PTPRD: variants seen among roughly 807,000 people sequenced by gnomAD.
The protein encoded by PTPRD is protein tyrosine phosphatase receptor type D, also known as receptor-type tyrosine-protein phosphatase delta.
In PTPRD, 34 loss-of-function variants were observed where a neutral mutation model predicts 214.5. The observed-to-expected ratio is 0.16, with a 90% CI of 0.12 to 0.21. PTPRD has a LOEUF of 0.21. Ranked by LOEUF, PTPRD falls within the 10% of genes least tolerant of loss-of-function variation. The probability of loss-of-function intolerance (pLI) is 1.00; values close to 1 mark genes in which losing one functional copy is unlikely to be tolerated. For missense variants in PTPRD, 2,545 were observed against 2,398.7 expected, an observed-to-expected ratio of 1.06 and a Z score of -1.27; for synonymous variants, 1,128 against 845.7, an observed-to-expected ratio of 1.33 and a Z score of -5.79.
At chr9:10,298,782 A>C (rs1473911262) in intron 3 of PTPRD, among the ~76,000 whole-genome samples, 1 of 152,044 alleles carries the variant, frequency 6.6e-6, no homozygotes, top group African/African-American at 2.4e-5. Flanking sequence ...TGTCACTGAA[A>C]GGCATTCTCT....
At chr9:9,407,561 C>G (rs1024687250) in intron 8 of PTPRD, among the ~76,000 whole-genome samples, 1 of 151,684 alleles carries the variant, frequency 6.6e-6, no homozygotes, top group South Asian at 2.1e-4. Flanking sequence ...ACAATCAACA[C>G]AAAATCTATT....
At chr9:10,049,271 A>C (rs1035443381) in intron 3 of PTPRD, among the ~76,000 whole-genome samples, 2 of 152,004 alleles carry the variant, frequency 1.3e-5, no homozygotes, top group Non-Finnish European at 2.9e-5. Context: ...TTTAACATAC[A>C]TCATTATTTT....
intron 12 of PTPRD, among the ~76,000 whole-genome samples, chr9:8,703,333 G>A (rs1382646930): frequency 1.3e-5 from 2 of 152,164 alleles, no homozygotes; most frequent in East Asian, 3.9e-4. Flanking sequence ...TGAATTGTCT[G>A]AGTTAAATGA....
chr9:9,640,050 T>A (rs1235475428), intron 7 of PTPRD, among the ~76,000 whole-genome samples: 1 of 152,208 alleles, frequency 6.6e-6, no homozygotes, highest in Non-Finnish European at 1.5e-5. Flanking sequence ...CTTTCCTTGG[T>A]AACTGAACCT....
intron 11 of PTPRD, among the ~76,000 whole-genome samples, chr9:8,891,660 G>A (rs933871531): frequency 6.6e-6 from 1 of 152,090 alleles, no homozygotes; most frequent in East Asian, 1.9e-4. Context: ...TGGACGCAGC[G>A]ATGGAGGCAG....
At position 10,339,150 on chromosome 9, in the gene PTPRD, T is replaced by A. The variant is rs1597461586; in HGVS notation, c.-545+1813A>T. Among the ~76,000 whole-genome samples, 4 of 151,782 alleles carry A rather than the reference T, an allele frequency of 2.6e-5. No individual in the cohort carries two copies. The South Asian group carries it at 6.2e-4, about 24-fold the overall frequency. ...GTAAAATGAGGAGAGTCCTGAAGAT[T>A]AAAAAGGAATCCTCATTAGGAGAGA... is the stretch of plus-strand genomic sequence containing the variant. On this transcript the variant is annotated intron_variant, in intron 3 of 45. Coordinates refer to ENST00000381196, the MANE Select transcript of PTPRD (RefSeq NM_002839.4).
At chr9:8,525,221 T>G (rs1226240749) in intron 17 of PTPRD, 186 bp from the exon 18 acceptor site, 4 of 720,244 alleles carry the variant, frequency 5.6e-6, no homozygotes, top group Non-Finnish European at 1.0e-5. Flanking sequence ...GAGATTATTT[T>G]TTTTTTTTAC....
At chr9:8,449,670 G>A in intron 34 of PTPRD, 55 bp downstream of exon 34, 1 of 1,485,820 alleles carries the variant, frequency 6.7e-7, no homozygotes, top group South Asian at 1.2e-5. Context: ...TATCAATTGA[G>A]CTGTACAACT....
intron 13 of PTPRD, among the ~76,000 whole-genome samples, chr9:8,636,189 T>C (rs1050613220): frequency 1.3e-5 from 2 of 152,160 alleles, no homozygotes; most frequent in Non-Finnish European, 2.9e-5. Flanking sequence ...GATTTAAATT[T>C]CCTTTGGGAA....
chr9:10,439,981 G>A (rs1028045341), intron 2 of PTPRD, among the ~76,000 whole-genome samples: 1 of 151,098 alleles, frequency 6.6e-6, no homozygotes, highest in Non-Finnish European at 1.5e-5. Context: ...CATAAACTTA[G>A]AAATACATGT....
chr9:8,493,808 TAGTC>T (rs1214663067), intron 26 of PTPRD, among the ~76,000 whole-genome samples: 3 of 152,184 alleles, frequency 2.0e-5, no homozygotes, highest in Non-Finnish European at 4.4e-5. Context: ...AGTTTTCTCT[TAGTC>T]AGGGCCCAAA....
At chr9:8,540,533 C>G (rs1054242039) in intron 14 of PTPRD, among the ~76,000 whole-genome samples, 1 of 152,018 alleles carries the variant, frequency 6.6e-6, no homozygotes, top group African/African-American at 2.4e-5. Flanking sequence ...ACATAATGCA[C>G]GTTTATTATT....
chr9:10,603,091 C>T (rs541630837), intron 2 of PTPRD, among the ~76,000 whole-genome samples: 10 of 151,870 alleles, frequency 6.6e-5, no homozygotes, highest in Middle Eastern at 3.4e-3. Context: ...CGCCAAGAGG[C>T]TGTAGAGGTT....
At chr9:8,337,873 A>ATTT (rs1554721263) in intron 43 of PTPRD, among the ~76,000 whole-genome samples, 2 of 143,888 alleles carry the variant, frequency 1.4e-5, no homozygotes, top group East Asian at 2.0e-4. Context: ...AAAGAGCACT[A>ATTT]TTTTTTTTTT....
chr9:9,275,071 T>TATATATA (rs1555158837), intron 9 of PTPRD, among the ~76,000 whole-genome samples: 1 of 73,480 alleles, frequency 1.4e-5, no homozygotes, highest in Non-Finnish European at 2.6e-5. Flanking sequence ...ATATATTATA[T>TATATATA]ATATATATAT....
intron 2 of PTPRD, among the ~76,000 whole-genome samples, chr9:10,600,222 G>A (rs1390766524): frequency 6.6e-6 from 1 of 150,980 alleles, no homozygotes; most frequent in Non-Finnish European, 1.5e-5. Context: ...TTTTTAATTG[G>A]TAATTCCATA....
At chr9:8,426,061 T>C (rs534068485) in intron 35 of PTPRD, among the ~76,000 whole-genome samples, 3 of 152,122 alleles carry the variant, frequency 2.0e-5, no homozygotes, top group African/African-American at 7.2e-5. Context: ...TTATAGAAGA[T>C]AAAAATCACT....
At chr9:8,416,535 A>G (rs2093951061) in intron 35 of PTPRD, among the ~76,000 whole-genome samples, 1 of 152,192 alleles carries the variant, frequency 6.6e-6, no homozygotes, top group African/African-American at 2.4e-5. Flanking sequence ...CAGAGGCAGA[A>G]GGAGCAGACT....
intron 6 of PTPRD, among the ~76,000 whole-genome samples, chr9:9,735,948 T>G (rs1023318045): frequency 6.6e-6 from 1 of 152,282 alleles, no homozygotes; most frequent in African/African-American, 2.4e-5. Flanking sequence ...CATGTAATTA[T>G]TACACAGATA....
Sources: allele counts gnomAD v4.1 joint callset (sites outside exome capture counted in the v4.1 genomes callset), GRCh38; gene constraint gnomAD v4.1.1; transcripts MANE v1.5; gene names NCBI Gene and HGNC (gene_info 2026-07-23, HGNC 2026-07-21).